GPR65: variants seen among roughly 807,000 people sequenced by gnomAD.
GPR65 encodes G protein-coupled receptor 65, also known as T-cell death-associated gene 8 protein.
Under a neutral mutation model 0.7 loss-of-function variants are expected in GPR65, and 2 were observed. The observed-to-expected ratio is 2.83, with a 90% CI of 1.16 to 8.92. The LOEUF is 8.92. Ranked by LOEUF, GPR65 falls within the 30% of genes most tolerant of loss-of-function variation. The pLI is 0.04. For synonymous variants in GPR65, 128 were observed against 146.5 expected, an observed-to-expected ratio of 0.87 and a Z score of 0.91; for missense variants, 379 against 399.4, an observed-to-expected ratio of 0.95 and a Z score of 0.43.
In GPR65 at chr14:88,011,981, T is replaced by G. The variant is rs1887689559; in HGVS notation, c.*120T>G. ...ACTAAGTGTTCTCAGAGTGATGTTT[T>G]AATCCAGTCCAATAAAAATATCTTA... On this transcript the variant is annotated 3_prime_UTR_variant, in exon 2 of 2. Coordinates refer to ENST00000267549, the MANE Select transcript of GPR65 (RefSeq NM_003608.4). 1 of 703,792 alleles carries G rather than the reference T, an allele frequency of 1.4e-6. No homozygotes were observed. Among genetic ancestry groups the G allele is most frequent in the South Asian group, 2.1e-5 (1 of 47,840 alleles). The allele number at this position is 703,792 out of a possible 1,614,324, so 43.6% of individuals were successfully genotyped here.
rs1476275405 is a variant in GPR65 at position 88,014,805 on chromosome 14, TTATC to T, written c.*2947_*2950del. ...TTCTAGAATAAAATTATAAATTTCT[TTATC>T]TAGGAAATGTGTGTTCATTGAACTT... is the stretch of plus-strand genomic sequence containing the variant. On this transcript the variant is annotated 3_prime_UTR_variant, in exon 2 of 2. Transcript: ENST00000267549. The T allele has an allele frequency of 3.3e-5, 5 of 152,100 alleles. No homozygotes were observed. Among genetic ancestry groups the T allele is most frequent in the Admixed American group, 6.5e-5 (1 of 15,280 alleles). The allele number at this position is 152,100 out of a possible 1,614,324, so 9.4% of individuals were successfully genotyped here.
At position 88,011,621 on chromosome 14, in the gene GPR65, C is replaced by T. The variant is rs781265796; in HGVS notation, c.774C>T (p.Phe258=). The stretch of plus-strand genomic sequence containing the variant: ...GCATTTTAGAGCATGCTGTGAACTT[C>T]GAAGACCACAGCAATTCTGGGAAGC... ...IRCILEHAVN[F]EDHSNSGKRT... The change falls in exon 2 of 2, where the codon TTC becomes TTT. Residue 258 remains phenylalanine (F), a synonymous_variant. Transcript: ENST00000267549. 2.5e-6 allele frequency: 4 copies of T among 1,613,904 alleles called. No individual in the cohort carries two copies. The highest frequency in any genetic ancestry group is 4.5e-5 in the East Asian group (2 of 44,896).
chr14:88,011,865 C>A lies in GPR65; in HGVS notation c.*4C>A. On this transcript the variant is annotated 3_prime_UTR_variant, in exon 2 of 2. Transcript: ENST00000267549. ...GGAATTAGAGGTCCTTGAGTAGAAC[C>A]AAGGATGTTTTGAAGGGAAGGGAAG... 6.6e-7 allele frequency: 1 copy of A among 1,526,418 alleles called. No homozygotes were observed. Among genetic ancestry groups the A allele is most frequent in the Non-Finnish European group, 8.8e-7 (1 of 1,136,642 alleles). The allele number at this position is 1,526,418 out of a possible 1,614,324, so 94.6% of individuals were successfully genotyped here. A position where few individuals can be genotyped will look rare whatever the true frequency, so the allele number is the denominator to read the frequency against.
rs1365284860 is a variant in GPR65, at chr14:88,010,940, C to A, written c.93C>A (p.Ala31=). Reference sequence around the variant, plus strand: ...TTGTGATTATAGTCAGCATTCCAGCCAATATTGGATCTCTGTGTGTGTCTT... The same window carrying A: ...TTGTGATTATAGTCAGCATTCCAGCAAATATTGGATCTCTGTGTGTGTCTT... ...YIFVIIVSIP[A]NIGSLCVSFL... The change falls in exon 2 of 2, where the codon GCC becomes GCA. Residue 31 remains alanine, a synonymous_variant. Transcript: ENST00000267549. The A allele has an allele frequency of 6.2e-7, 1 of 1,611,788 alleles. No individual in the cohort carries two copies. The highest frequency in any genetic ancestry group is 8.5e-7 in the Non-Finnish European group (1 of 1,177,976).
chr14:88,007,344 C>T (rs1887608229), intron 1 of GPR65, among the ~76,000 whole-genome samples: 1 of 152,048 alleles, frequency 6.6e-6, no homozygotes, highest in South Asian at 2.1e-4. Context: ...TCAACATTCT[C>T]TCTTTTCGAT....
intron 1 of GPR65, among the ~76,000 whole-genome samples, chr14:88,007,792 A>G (rs73312876): frequency 0.11 from 15,556 of 136,226 alleles, 967 homozygotes; most frequent in Non-Finnish European, 0.15. Flanking sequence ...CTCTGTGTGT[A>G]TGTGTGTGTG....
At position 88,012,822 on chromosome 14, in the gene GPR65, T is replaced by C. The variant is rs1887706702; in HGVS notation, c.*961T>C. ...TGGGGCTATGAAAGAAATGGTCTCATGAAGCCTCACGAAGTTTACATTAGT... is the reference window on the plus strand; with the variant it reads ...TGGGGCTATGAAAGAAATGGTCTCACGAAGCCTCACGAAGTTTACATTAGT... On this transcript the variant is annotated 3_prime_UTR_variant, in exon 2 of 2. Transcript: ENST00000267549. 1 of 152,190 alleles carries C rather than the reference T, an allele frequency of 6.6e-6. No homozygotes were observed. Among genetic ancestry groups the C allele is most frequent in the Non-Finnish European group, 1.5e-5 (1 of 68,038 alleles). 9.4% of individuals were successfully genotyped at this position (152,190 alleles called of 1,614,324 possible). A position where few individuals can be genotyped will look rare whatever the true frequency, so the allele number is the denominator to read the frequency against.
Position 88,011,400 on chromosome 14 carries a change from T to C in GPR65, c.553T>C (p.Leu185=), listed in dbSNP as rs145362448. The C allele has an allele frequency of 1.2e-6, 2 of 1,613,926 alleles. No homozygotes were observed. The highest frequency in any genetic ancestry group is 3.3e-5 in the Admixed American group (2 of 59,984). ...PLEKWQINLN[L]FRTCTGYAIP... ...AGAGAAATGGCAAATCAACCTCAAC[T>C]TGTTCAGGACGTGTACAGGCTATGC... The change falls in exon 2 of 2, where the codon TTG becomes CTG. Residue 185 remains leucine, a synonymous_variant. Transcript: ENST00000267549.
At position 88,012,745 on chromosome 14, in the gene GPR65, T is replaced by A. The variant is rs972442820; in HGVS notation, c.*884T>A. 6.6e-5 allele frequency: 10 copies of A among 152,224 alleles called. No individual in the cohort carries two copies. Among genetic ancestry groups the A allele is most frequent in the African/African-American group, 2.4e-4 (10 of 41,454 alleles). The allele number at this position is 152,224 out of a possible 1,614,324, so 9.4% of individuals were successfully genotyped here. A position where few individuals can be genotyped will look rare whatever the true frequency, so the allele number is the denominator to read the frequency against. On this transcript the variant is annotated 3_prime_UTR_variant, in exon 2 of 2. Transcript: ENST00000267549. Reference sequence around the variant, plus strand: ...TTGTTTATCTAATCACTTGGCTTCATTAACAAATATTTATTGAATCCATTC... The same window carrying A: ...TTGTTTATCTAATCACTTGGCTTCAATAACAAATATTTATTGAATCCATTC...
At position 88,010,821 on chromosome 14, in the gene GPR65, T is replaced by C; in HGVS notation, c.-27T>C. 1 of 1,510,366 alleles carries C rather than the reference T, an allele frequency of 6.6e-7. No individual in the cohort carries two copies. The highest frequency in any genetic ancestry group is 9.2e-7 in the Non-Finnish European group (1 of 1,090,356). 93.6% of individuals were successfully genotyped at this position (1,510,366 alleles called of 1,614,324 possible). The stretch of plus-strand genomic sequence containing the variant: ...TCTCTGTTTACTTTCTAAGAACTAA[T>C]ATAATTGCTACCTTAAAAAGGAAAA... On this transcript the variant is annotated 5_prime_UTR_variant, in exon 2 of 2. Transcript: ENST00000267549.
Position 88,010,928 on chromosome 14 carries a change from C to T in GPR65, c.81C>T (p.Val27=). ...FPIVYIFVII[V]SIPANIGSLC... ...TTGTTTACATCTTTGTGATTATAGTCAGCATTCCAGCCAATATTGGATCTC... is the reference window on the plus strand; with the variant it reads ...TTGTTTACATCTTTGTGATTATAGTTAGCATTCCAGCCAATATTGGATCTC... Residue 27 remains valine, a synonymous_variant, in exon 2 of 2, where the codon GTC becomes GTT. Transcript: ENST00000267549. 6.2e-7 allele frequency: 1 copy of T among 1,611,642 alleles called. No individual in the cohort carries two copies. Among genetic ancestry groups the T allele is most frequent in the South Asian group, 1.1e-5 (1 of 91,000 alleles).
At chr14:88,006,686 C>G (rs1887599004) in intron 1 of GPR65, among the ~76,000 whole-genome samples, 1 of 152,004 alleles carries the variant, frequency 6.6e-6, no homozygotes, top group Non-Finnish European at 1.5e-5. Flanking sequence ...CACATGCTGC[C>G]CATTACCCGA....
At position 88,010,655 on chromosome 14, in the gene GPR65, T is replaced by C. The variant is rs1887661477; in HGVS notation, c.-193T>C. 1.8e-6 allele frequency: 1 copy of C among 541,356 alleles called. No homozygotes were observed. Among genetic ancestry groups the C allele is most frequent in the African/African-American group, 1.9e-5 (1 of 52,850 alleles). The allele number at this position is 541,356 out of a possible 1,614,324, so 33.5% of individuals were successfully genotyped here. ...GGATTTTTACTTCCAACTGCTGATA[T>C]CTGTGTAAAAATTGATCTACATCCA... On this transcript the variant is annotated 5_prime_UTR_variant, in exon 2 of 2. Transcript: ENST00000267549.
chr14:88,009,103 C>G (rs1887637326), intron 1 of GPR65, among the ~76,000 whole-genome samples: 1 of 152,092 alleles, frequency 6.6e-6, no homozygotes, highest in African/African-American at 2.4e-5. Context: ...AGCAGAGGTT[C>G]TGGATCCCAT....
Position 88,011,212 on chromosome 14 carries a change from T to G in GPR65, c.365T>G (p.Phe122Cys), listed in dbSNP as rs375417424. Residue 122 changes from phenylalanine (F) to cysteine (C), a missense_variant, in exon 2 of 2, where the codon TTT becomes TGT. By Grantham distance (205) the Phe-to-Cys change is radical. Coordinates refer to ENST00000267549, the MANE Select transcript of GPR65 (RefSeq NM_003608.4). ...RYLAVVYPLKFFFLRTRRFAL... is the reference protein window; with the variant it reads ...RYLAVVYPLKCFFLRTRRFAL... ...TTGGCTGTTGTCTACCCTTTGAAGT[T>G]TTTTTTCCTAAGGACAAGAAGATTT... 2 of 1,613,914 alleles carry G rather than the reference T, an allele frequency of 1.2e-6. No homozygotes were observed. Among genetic ancestry groups the G allele is most frequent in the African/African-American group, 1.3e-5 (1 of 75,048 alleles).
At position 88,013,471 on chromosome 14, in the gene GPR65, T is replaced by C. The variant is rs539021642; in HGVS notation, c.*1610T>C. On this transcript the variant is annotated 3_prime_UTR_variant, in exon 2 of 2. Transcript: ENST00000267549. Reference sequence around the variant, plus strand: ...ATTTTTAAGGATTTTTCTACCCTTCTCCTTTTCTCTTTGCTTTCCTTTTCT... The same window carrying C: ...ATTTTTAAGGATTTTTCTACCCTTCCCCTTTTCTCTTTGCTTTCCTTTTCT... 6.6e-6 allele frequency: 1 copy of C among 152,374 alleles called. No individual in the cohort carries two copies. Among genetic ancestry groups the C allele is most frequent in the Admixed American group, 6.5e-5 (1 of 15,302 alleles). The allele number at this position is 152,374 out of a possible 1,614,324, so 9.4% of individuals were successfully genotyped here. A position where few individuals can be genotyped will look rare whatever the true frequency, so the allele number is the denominator to read the frequency against.
At position 88,011,728 on chromosome 14, in the gene GPR65, C is replaced by G. The variant is rs1441708674; in HGVS notation, c.881C>G (p.Thr294Ser). 1 of 1,612,756 alleles carries G rather than the reference C, an allele frequency of 6.2e-7. No individual in the cohort carries two copies. Among genetic ancestry groups the G allele is most frequent in the East Asian group, 2.2e-5 (1 of 44,882 alleles). ...VADPILYCFV[T>S]ETGRYDMWNI... ...GATCCAATTCTGTACTGTTTTGTAA[C>G]CGAAACAGGAAGATATGATATGTGG... Residue 294 changes from threonine to serine, a missense_variant, in exon 2 of 2, where the codon ACC becomes AGC. Physicochemically the swap from Thr to Ser is moderately conservative, Grantham distance 58 (BLOSUM62 1). Transcript: ENST00000267549.
intron 1 of GPR65, among the ~76,000 whole-genome samples, chr14:88,008,778 A>G (rs1595254150): frequency 6.6e-6 from 1 of 152,012 alleles, no homozygotes; most frequent in South Asian, 2.1e-4. Flanking sequence ...ATTTTGTCTT[A>G]TTTTCATTTC....
At position 88,010,816 on chromosome 14, in the gene GPR65, A is replaced by G. The variant is rs373256942; in HGVS notation, c.-32A>G. On this transcript the variant is annotated 5_prime_UTR_variant, in exon 2 of 2. Coordinates refer to ENST00000267549, the MANE Select transcript of GPR65 (RefSeq NM_003608.4). Reference sequence around the variant, plus strand: ...AGACTTCTCTGTTTACTTTCTAAGAACTAATATAATTGCTACCTTAAAAAG... The same window carrying G: ...AGACTTCTCTGTTTACTTTCTAAGAGCTAATATAATTGCTACCTTAAAAAG... 1 of 1,453,480 alleles carries G rather than the reference A, an allele frequency of 6.9e-7. No homozygotes were observed. The highest frequency in any genetic ancestry group is 9.6e-7 in the Non-Finnish European group (1 of 1,041,196). 90.0% of individuals were successfully genotyped at this position (1,453,480 alleles called of 1,614,324 possible).
Sources: allele counts gnomAD v4.1 joint callset (sites outside exome capture counted in the v4.1 genomes callset), GRCh38; gene constraint gnomAD v4.1.1; transcripts MANE v1.5; gene names NCBI Gene and HGNC (gene_info 2026-07-23, HGNC 2026-07-21).